TTBK1: variants seen among roughly 807,000 people sequenced by gnomAD.
TTBK1 encodes tau tubulin kinase 1, also known as tau-tubulin kinase 1.
TTBK1 carries 34 observed loss-of-function variants against 108.5 expected under a neutral mutation model. The observed-to-expected ratio is 0.31, with a 90% confidence interval of 0.24 to 0.42. The LOEUF (loss-of-function observed/expected upper bound fraction) is 0.42, where lower values mean the gene tolerates loss of function less well. TTBK1 is among the 10% of genes least tolerant of loss of function. The pLI is 1.00. For synonymous variants in TTBK1, 809 were observed against 795.1 expected (o/e 1.02, Z -0.29); for missense variants, 1,539 against 1,826.0 (o/e 0.84, Z 2.86).
In TTBK1 at chr6:43,281,602, T is replaced by A. The variant is rs535487346; in HGVS notation, c.1987-1125T>A. On this transcript the variant is annotated intron_variant, in intron 13 of 14. Transcript: ENST00000259750. ...GCCTGGGGTAGCAGACACAGAGAAG[T>A]TTAAGAAGGATGCTTGGCAGGACTC... Among the ~76,000 whole-genome samples the A allele has an allele frequency of 2.9e-4, 44 of 151,672 alleles. 1 individual carries two copies. The South Asian group carries it at 9.1e-3, about 31-fold the overall frequency.
At chr6:43,251,264 CG>C (rs914586286) in intron 2 of TTBK1, among the ~76,000 whole-genome samples, 2 of 152,168 alleles carry the variant, frequency 1.3e-5, no homozygotes, top group African/African-American at 4.8e-5. Context: ...ACTGAACAGA[CG>C]TTCGGGGCGG....
intron 12 of TTBK1, among the ~76,000 whole-genome samples, chr6:43,261,226 C>T (rs1777532917): frequency 6.6e-6 from 1 of 152,192 alleles, no homozygotes; most frequent in African/African-American, 2.4e-5. Context: ...TTCTGATCTG[C>T]ACCCCTGCCT....
chr6:43,283,381 G>C lies in TTBK1; in HGVS notation c.2641G>C (p.Val881Leu), dbSNP rs756816654. 3.1e-6 allele frequency: 5 copies of C among 1,607,316 alleles called. No homozygotes were observed. The highest frequency in any genetic ancestry group is 4.2e-6 in the Non-Finnish European group (5 of 1,176,878). Residue 881 changes from valine to leucine, a missense_variant, in exon 14 of 15, where the codon GTA becomes CTA. Transcript: ENST00000259750. The surrounding 1 kb of genome is among the most constrained non-coding windows in gnomAD (Gnocchi z 8.1). ...CCAGCCCACGGGCAGCCAGCTGGAC[G>C]TATCTGAGCCAGGCACCCTGTCCTC... Reference protein sequence around the residue: ...RPQPTGSQLDVSEPGTLSSVL... With the variant: ...RPQPTGSQLDLSEPGTLSSVL...
At position 43,253,521 on chromosome 6, in the gene TTBK1, G is replaced by T. The variant is rs776627115; in HGVS notation, c.331-47G>T. On this transcript the variant is annotated intron_variant, in intron 4 of 14. Transcript: ENST00000259750. This position sits in a 1 kb window ranked among gnomAD's most constrained non-coding sequence, Gnocchi z 5.8. ...AGAGTATCACAATGATGGTGTCTGG[G>T]ATGATGGCTGAGGGTGAGTCTACCC... is the stretch of plus-strand genomic sequence containing the variant. 3 of 1,587,900 alleles carry T rather than the reference G, an allele frequency of 1.9e-6. No individual in the cohort carries two copies. The African/African-American group carries it at 4.0e-5, about 21-fold the overall frequency.
rs1156278378 is a variant in TTBK1, at chr6:43,282,990, A to G, written c.2250A>G (p.Glu750=). The G allele has an allele frequency of 4.8e-6, 5 of 1,049,878 alleles. No homozygotes were observed. Among genetic ancestry groups the G allele is most frequent in the African/African-American group, 2.7e-5 (1 of 37,640 alleles). 65.0% of individuals were successfully genotyped at this position (1,049,878 alleles called of 1,614,324 possible). Residue 750 remains glutamate, a synonymous_variant, in exon 14 of 15, where the codon GAA becomes GAG. Transcript: ENST00000259750. The surrounding 1 kb of genome is among the most constrained non-coding windows in gnomAD (Gnocchi z 5.4). ...EDEEEEEEDE[E]EEEEEEEEEE... is the part of the protein sequence containing the mutation. ...AGGAAGAGGAAGAAGAGGATGAGGA[A>G]GAAGAAGAGGAGGAAGAGGAAGAGG...
Position 43,269,997 on chromosome 6 carries a change from GAGC to G in TTBK1, c.1986+6650_1986+6652del. 1 of 1,429,476 alleles carries G rather than the reference GAGC, an allele frequency of 7.0e-7. No homozygotes were observed. The highest frequency in any genetic ancestry group is 9.1e-7 in the Non-Finnish European group (1 of 1,096,808). 88.5% of individuals were successfully genotyped at this position (1,429,476 alleles called of 1,614,324 possible). ...GAGGGGGCAGGTGGGGGGGGGTGGG[GAGC>G]AGGCAGAGGACCATGGTTCCTTCCC... On this transcript the variant is annotated intron_variant, in intron 13 of 14. Transcript: ENST00000259750. This position sits in a 1 kb window ranked among gnomAD's most constrained non-coding sequence, Gnocchi z 4.8.
intron 3 of TTBK1, 39 bp downstream of exon 3, chr6:43,252,925 A>G: frequency 6.2e-6 from 10 of 1,608,966 alleles, no homozygotes; most frequent in Non-Finnish European, 8.5e-6. Flanking sequence ...GGAAGAGATG[A>G]TGAAGCCAGG....
intron 1 of TTBK1, among the ~76,000 whole-genome samples, chr6:43,245,507 T>A (rs1052498546): frequency 6.6e-6 from 1 of 151,834 alleles, no homozygotes; most frequent in African/African-American, 2.4e-5. Flanking sequence ...CAGAGATACA[T>A]GTAGAAAAGC....
chr6:43,272,272 AC>A, intron 13 of TTBK1: 1 of 985,482 alleles, frequency 1.0e-6, no homozygotes, highest in Non-Finnish European at 1.2e-6. Flanking sequence ...AGAGGGTTCC[AC>A]TACTCAACCC....
rs1778399300 is a variant in TTBK1 at position 43,287,033 on chromosome 6, T to TGG, written c.*1658_*1659dup. ...GACCCTGAAAGCAGCCTCCCCCTCA[T>TGG]GGAGAGTCAGCAGCTTGGGCAGCCA... On this transcript the variant is annotated 3_prime_UTR_variant, in exon 15 of 15. Transcript: ENST00000259750. The surrounding 1 kb of genome is among the most constrained non-coding windows in gnomAD (Gnocchi z 4.1). 1 of 152,622 alleles carries TGG rather than the reference T, an allele frequency of 6.6e-6. No homozygotes were observed. Among genetic ancestry groups the TGG allele is most frequent in the Non-Finnish European group, 1.5e-5 (1 of 68,054 alleles). 9.5% of individuals were successfully genotyped at this position (152,622 alleles called of 1,614,324 possible). A position where few individuals can be genotyped will look rare whatever the true frequency, so the allele number is the denominator to read the frequency against.
rs569542690 is a variant in TTBK1 at position 43,259,480 on chromosome 6, G to A, written c.1249-51G>A. 37 of 1,505,768 alleles carry A rather than the reference G, an allele frequency of 2.5e-5. No homozygotes were observed. The highest frequency in any genetic ancestry group is 2.0e-4 in the Middle Eastern group (1 of 4,964). The allele number at this position is 1,505,768 out of a possible 1,614,324, so 93.3% of individuals were successfully genotyped here. On this transcript the variant is annotated intron_variant, in intron 11 of 14. Transcript: ENST00000259750. The surrounding 1 kb of genome is among the most constrained non-coding windows in gnomAD (Gnocchi z 6.7). ...CTCCTTCACCCTGAGGAGACCATCC[G>A]CCCACAGCCGCCTCATCAGCCCCAG...
rs1241149364 is a variant in TTBK1 at position 43,285,177 on chromosome 6, G to A, written c.3767G>A (p.Arg1256His). Residue 1256 changes from arginine to histidine, a missense_variant, in exon 15 of 15, where the codon CGC becomes CAC. By Grantham distance (29) the Arg-to-His change is conservative. Coordinates refer to ENST00000259750, the MANE Select transcript of TTBK1 (RefSeq NM_032538.3). This position sits in a 1 kb window ranked among gnomAD's most constrained non-coding sequence, Gnocchi z 4.7. ...TCCCCCCGGAGCCAGTCCCTGTCCC[G>A]CAGAGAGAGCCCCTCCCCCTCGCAC... ...SASPRSQSLSRRESPSPSHQA... is the reference protein window; with the variant it reads ...SASPRSQSLSHRESPSPSHQA... The A allele has an allele frequency of 2.2e-6, 3 of 1,380,970 alleles. No individual in the cohort carries two copies. The highest frequency in any genetic ancestry group is 1.7e-5 in the South Asian group (1 of 57,960). 85.5% of individuals were successfully genotyped at this position (1,380,970 alleles called of 1,614,324 possible).
Position 43,269,432 on chromosome 6 carries a change from G to T in TTBK1, c.1986+6082G>T, listed in dbSNP as rs892736631. On this transcript the variant is annotated intron_variant, in intron 13 of 14. Coordinates refer to ENST00000259750, the MANE Select transcript of TTBK1 (RefSeq NM_032538.3). The surrounding 1 kb of genome is among the most constrained non-coding windows in gnomAD (Gnocchi z 4.8). ...GTGTGAGAAGTTCCAGAGAGAAGGA[G>T]GAGGGGGAAGGGCGTTGGAGGCCAG... 2.6e-5 allele frequency among the ~76,000 whole-genome samples: 4 copies of T among 152,218 alleles called. No individual in the cohort carries two copies. Among genetic ancestry groups the T allele is most frequent in the Admixed American group, 2.6e-4 (4 of 15,292 alleles).
At position 43,259,170 on chromosome 6, in the gene TTBK1, C is replaced by T. The variant is rs775354604; in HGVS notation, c.1149C>T (p.Gly383=). Residue 383 remains glycine (G), a synonymous_variant, in exon 11 of 15, where the codon GGC becomes GGT. Transcript: ENST00000259750. This position sits in a 1 kb window ranked among gnomAD's most constrained non-coding sequence, Gnocchi z 6.7. ...CCGGGAGGCCCTCTGAGGGGCTGGGCCCCAGTCCCCACCTTGTCCCCCACC... is the reference window on the plus strand; with the variant it reads ...CCGGGAGGCCCTCTGAGGGGCTGGGTCCCAGTCCCCACCTTGTCCCCCACC... The part of the protein sequence containing the change: ...ILPGRPSEGL[G]PSPHLVPHPG... 4 of 1,611,878 alleles carry T rather than the reference C, an allele frequency of 2.5e-6. No individual in the cohort carries two copies. Among genetic ancestry groups the T allele is most frequent in the Non-Finnish European group, 2.5e-6 (3 of 1,178,406 alleles).
chr6:43,258,056 G>A, intron 10 of TTBK1, 90 bp downstream of exon 10: 1 of 1,411,792 alleles, frequency 7.1e-7, no homozygotes, highest in African/African-American at 1.4e-5. Context: ...CTTCCTATCT[G>A]GACACACTTG....
At position 43,283,195 on chromosome 6, in the gene TTBK1, C is replaced by T. The variant is rs750767691; in HGVS notation, c.2455C>T (p.Arg819Trp). 12 of 1,552,970 alleles carry T rather than the reference C, an allele frequency of 7.7e-6. No individual in the cohort carries two copies. Among genetic ancestry groups the T allele is most frequent in the African/African-American group, 1.4e-5 (1 of 73,292 alleles). ...LADDQKESRG[R>W]ASMADGDLEP... is the part of the protein sequence containing the mutation. Reference sequence around the variant, plus strand: ...AGACGATCAGAAGGAGTCCAGGGGCCGGGCCTCCATGGCCGATGGGGACCT... The same window carrying T: ...AGACGATCAGAAGGAGTCCAGGGGCTGGGCCTCCATGGCCGATGGGGACCT... Residue 819 changes from arginine (R) to tryptophan (W), a missense_variant, in exon 14 of 15, where the codon CGG (arginine) becomes TGG (tryptophan). Transcript: ENST00000259750. This position sits in a 1 kb window ranked among gnomAD's most constrained non-coding sequence, Gnocchi z 8.1.
rs201093588 is a variant in TTBK1 at position 43,263,383 on chromosome 6, C to G, written c.1986+33C>G. 3.5e-6 allele frequency: 5 copies of G among 1,445,100 alleles called. No individual in the cohort carries two copies. The highest frequency in any genetic ancestry group is 4.6e-6 in the Non-Finnish European group (5 of 1,094,818). 89.5% of individuals were successfully genotyped at this position (1,445,100 alleles called of 1,614,324 possible). ...TGGGCTTGCACCCCACTCCCCATCT[C>G]CAGATGCCCAGAGTCCTGGTGTGTA... On this transcript the variant is annotated intron_variant, in intron 13 of 14. Transcript: ENST00000259750. This position sits in a 1 kb window ranked among gnomAD's most constrained non-coding sequence, Gnocchi z 4.7.
At chr6:43,250,730 T>C (rs1430387396) in intron 2 of TTBK1, among the ~76,000 whole-genome samples, 1 of 152,220 alleles carries the variant, frequency 6.6e-6, no homozygotes, top group African/African-American at 2.4e-5. Context: ...GTTCTCCTTC[T>C]GTGCAAAATG....
chr6:43,261,353 C>T (rs937642571), intron 12 of TTBK1, among the ~76,000 whole-genome samples: 3 of 152,094 alleles, frequency 2.0e-5, no homozygotes, highest in African/African-American at 4.8e-5. Context: ...GTTAGGCCTC[C>T]GTGCTGGCTC....
Sources: allele counts gnomAD v4.1 joint callset (sites outside exome capture counted in the v4.1 genomes callset), GRCh38; gene constraint gnomAD v4.1.1; non-coding constraint Gnocchi (gnomAD v3.1); transcripts MANE v1.5; gene names NCBI Gene and HGNC (gene_info 2026-07-23, HGNC 2026-07-21).